Variants in C2CD5 observed in about 807,000 individuals in gnomAD.
The protein encoded by C2CD5 is C2 calcium dependent domain containing 5.
C2CD5 carries 109 observed loss-of-function variants against 130.3 expected under a neutral mutation model. The observed-to-expected ratio is 0.84, with a 90% CI of 0.72 to 0.98. The LOEUF is 0.98. C2CD5 is among the 50% of genes least tolerant of loss of function. C2CD5 has a pLI of 0.00. For missense variants in C2CD5, 996 were observed against 1,261.8 expected (o/e 0.79, Z 3.19); for synonymous variants, 454 against 429.2 (o/e 1.06, Z -0.71).
chr12:22,494,504 T>C (rs1565725682), intron 10 of C2CD5, among the ~76,000 whole-genome samples: 1 of 152,072 alleles, frequency 6.6e-6, no homozygotes, highest in East Asian at 1.9e-4. Flanking sequence ...ATAGCTCACA[T>C]TCCTATGATG....
intron 8 of C2CD5, among the ~76,000 whole-genome samples, chr12:22,517,781 A>G (rs1244229990): frequency 1.3e-5 from 2 of 152,212 alleles, no homozygotes; most frequent in African/African-American, 2.4e-5. Flanking sequence ...CACTATGATT[A>G]AATCAATGAA....
At chr12:22,490,881 A>T (rs1946258418) in intron 11 of C2CD5, among the ~76,000 whole-genome samples, 1 of 152,186 alleles carries the variant, frequency 6.6e-6, no homozygotes, top group South Asian at 2.1e-4. Context: ...CAACCTAGGG[A>T]TGAACTGCTG....
intron 10 of C2CD5, among the ~76,000 whole-genome samples, chr12:22,495,199 G>A (rs899599288): frequency 3.9e-5 from 6 of 151,928 alleles, no homozygotes; most frequent in Non-Finnish European, 8.8e-5. Context: ...ATTTTCTAAA[G>A]CAAATAATTA....
Position 22,480,054 on chromosome 12 carries a change from T to G in C2CD5, c.1738-1577A>C, listed in dbSNP as rs1454031710. Among the ~76,000 whole-genome samples the G allele has an allele frequency of 3.3e-5, 5 of 152,318 alleles. No homozygotes were observed. The East Asian group carries it at 9.6e-4, about 29-fold the overall frequency. ...CTCAAGAGTGCTTACTCCTGGTTTG[T>G]TCATTAGTGTCCATCACTGTATACA... On this transcript the variant is annotated intron_variant, in intron 14 of 26. Transcript: ENST00000446597.
At position 22,535,256 on chromosome 12, in the gene C2CD5, A is replaced by C; in HGVS notation, c.177+2T>G. ...CAAAAATGCTGACATTTAAAAACTT[A>C]CCTCAAATTTAAACCACTCCGAGTT... On this transcript the variant is annotated splice_donor_variant, in intron 3 of 26. Transcript: ENST00000446597. LOFTEE classifies it high-confidence loss of function. 6.4e-7 allele frequency: 1 copy of C among 1,554,612 alleles called. No homozygotes were observed. Among genetic ancestry groups the C allele is most frequent in the Non-Finnish European group, 8.9e-7 (1 of 1,127,706 alleles).
chr12:22,518,999 A>G (rs1325953223), intron 7 of C2CD5: 2 of 865,088 alleles, frequency 2.3e-6, no homozygotes, highest in Non-Finnish European at 3.4e-6. Context: ...TTCGAGTAAG[A>G]AAAGGATGAA....
intron 8 of C2CD5, among the ~76,000 whole-genome samples, chr12:22,513,697 T>C (rs1195363067): frequency 6.6e-6 from 1 of 152,090 alleles, no homozygotes; most frequent in Admixed American, 6.6e-5. Context: ...TTAATTAAAA[T>C]AATCAAGATA....
intron 8 of C2CD5, among the ~76,000 whole-genome samples, chr12:22,516,160 T>C (rs1181060017): frequency 6.6e-6 from 1 of 151,822 alleles, no homozygotes; most frequent in Non-Finnish European, 1.5e-5. Flanking sequence ...CTCAAGACAC[T>C]GATTCTGATA....
rs1227897840 is a variant in C2CD5, at chr12:22,456,985, T to C, written c.2863A>G (p.Thr955Ala). The C allele has an allele frequency of 3.8e-6, 6 of 1,585,730 alleles. No homozygotes were observed. The highest frequency in any genetic ancestry group is 5.2e-6 in the Non-Finnish European group (6 of 1,163,216). The change falls in exon 25 of 27, where the codon ACT becomes GCT. Residue 955 changes from threonine to alanine, a missense_variant. This residue lies in a region of C2CD5 where 51 missense variants were observed against 99.5 expected (regional missense o/e 0.51). Coordinates refer to ENST00000446597, the MANE Select transcript of C2CD5 (RefSeq NM_001286176.2). Reference sequence around the variant, plus strand: ...TATAAAATTACCTCCCGAAGAGAAGTAGTCTCTCGAATAAAAAACATGTTA... The same window carrying C: ...TATAAAATTACCTCCCGAAGAGAAGCAGTCTCTCGAATAAAAAACATGTTA... ...IINMFFIRETTSLREEGGVSG... is the reference protein window; with the variant it reads ...IINMFFIRETASLREEGGVSG...
At chr12:22,538,011 T>G (rs200583994) in intron 2 of C2CD5, among the ~76,000 whole-genome samples, 1 of 152,176 alleles carries the variant, frequency 6.6e-6, no homozygotes, top group East Asian at 1.9e-4. Context: ...ATAGTGGAAA[T>G]TCTCTCAATC....
chr12:22,506,322 T>A (rs1005826441), intron 10 of C2CD5, among the ~76,000 whole-genome samples: 1 of 152,156 alleles, frequency 6.6e-6, no homozygotes, highest in African/African-American at 2.4e-5. Flanking sequence ...ATTACATTTT[T>A]AAAAATACCT....
At chr12:22,530,100 A>G (rs1951095541) in intron 3 of C2CD5, among the ~76,000 whole-genome samples, 1 of 114,178 alleles carries the variant, frequency 8.8e-6, no homozygotes, top group African/African-American at 3.9e-5. Context: ...ATATATATAT[A>G]TATATATATA....
chr12:22,522,075 A>G (rs1950320373), intron 7 of C2CD5, among the ~76,000 whole-genome samples: 1 of 152,182 alleles, frequency 6.6e-6, no homozygotes, highest in Non-Finnish European at 1.5e-5. Context: ...ACACAGTCAC[A>G]CTGTATTCAC....
At chr12:22,526,541 T>C (rs1301549403) in intron 4 of C2CD5, among the ~76,000 whole-genome samples, 1 of 152,216 alleles carries the variant, frequency 6.6e-6, no homozygotes, top group African/African-American at 2.4e-5. Context: ...AAAGAAGTTT[T>C]ATTCTTTTCA....
At chr12:22,465,752 C>A (rs999822015) in intron 22 of C2CD5, among the ~76,000 whole-genome samples, 1 of 151,992 alleles carries the variant, frequency 6.6e-6, no homozygotes, top group South Asian at 2.1e-4. Flanking sequence ...GAGAAAAACA[C>A]ATGAAAATTG....
intron 15 of C2CD5, among the ~76,000 whole-genome samples, chr12:22,475,450 T>C (rs1025992688): frequency 2.0e-5 from 3 of 152,154 alleles, no homozygotes; most frequent in Non-Finnish European, 2.9e-5. Context: ...AATGATCTTT[T>C]TAAGGTCAGT....
intron 22 of C2CD5, among the ~76,000 whole-genome samples, chr12:22,461,836 A>C (rs1339415910): frequency 1.3e-5 from 2 of 152,114 alleles, no homozygotes; most frequent in Non-Finnish European, 2.9e-5. Flanking sequence ...TTTAAGGGAG[A>C]TTTTTGATTT....
At chr12:22,474,377 A>G (rs952631278) in intron 16 of C2CD5, among the ~76,000 whole-genome samples, 1 of 152,200 alleles carries the variant, frequency 6.6e-6, no homozygotes, top group Non-Finnish European at 1.5e-5. Context: ...CACAGTGATT[A>G]TACTAAAAAA....
intron 25 of C2CD5, among the ~76,000 whole-genome samples, chr12:22,455,539 A>G (rs956218135): frequency 4.6e-5 from 7 of 152,210 alleles, no homozygotes; most frequent in Middle Eastern, 3.2e-3. Context: ...TTCATAATAT[A>G]TGCCAGCTTT....
Sources: allele counts gnomAD v4.1 joint callset (sites outside exome capture counted in the v4.1 genomes callset), GRCh38; gene constraint gnomAD v4.1.1; regional missense constraint gnomAD v4.1.1; transcripts MANE v1.5; gene names NCBI Gene and HGNC (gene_info 2026-07-23, HGNC 2026-07-21).